The following ACSL6 variants were observed in gnomAD, a reference collection of about 807,000 sequenced individuals.
ACSL6 encodes long-chain-fatty-acid--CoA ligase 6.
ACSL6 carries 47 observed loss-of-function variants against 98.2 expected under a neutral mutation model. The ratio of observed to expected loss-of-function variants is 0.48; its 90% CI spans 0.38 to 0.61. The LOEUF (loss-of-function observed/expected upper bound fraction) is 0.61. Ranked by LOEUF, ACSL6 falls within the 20% of genes least tolerant of loss-of-function variation. ACSL6 has a pLI of 0.00. For missense variants in ACSL6, 761 were observed against 913.4 expected (o/e 0.83, Z 2.15); for synonymous variants, 362 against 336.9 (o/e 1.07, Z -0.82).
Position 131,960,628 on chromosome 5 carries a change from T to C in ACSL6, c.1858-7A>G, listed in dbSNP as rs916701367. 1.7e-5 allele frequency: 28 copies of C among 1,609,910 alleles called. No homozygotes were observed. Among genetic ancestry groups the C allele is most frequent in the Non-Finnish European group, 2.3e-5 (27 of 1,178,114 alleles). On this transcript the variant is annotated splice_region_variant and splice_polypyrimidine_tract_variant and intron_variant, in intron 18 of 20. Coordinates refer to ENST00000651883, the MANE Select transcript of ACSL6 (RefSeq NM_001009185.3). ...CAATGCCTACCAAAAAGGCCTGCAG[T>C]GCTCACCAAAGGAGAACACAGTCAT... is the stretch of plus-strand genomic sequence containing the variant.
intron 18 of ACSL6, 151 bp from the exon 19 acceptor site, chr5:131,960,772 C>A (rs1752664873): frequency 1.7e-6 from 1 of 578,952 alleles, no homozygotes; most frequent in Non-Finnish European, 3.0e-6. Context: ...ATCTTTCTGC[C>A]AATATATCAT....
At chr5:132,012,049 A>ATGGC (rs1178095179), upstream of ACSL6, 1 of 1,291,210 alleles carries the variant, frequency 7.7e-7, no homozygotes, top group African/African-American at 1.5e-5. Context: ...CCTGGGTTTT[A>ATGGC]TGGCTGGGCA....
chr5:131,988,592 A>C (rs923740567), intron 6 of ACSL6: 2 of 1,612,810 alleles, frequency 1.2e-6, no homozygotes, highest in African/African-American at 2.7e-5. Flanking sequence ...CCTTCTTGGC[A>C]GCTGAGCCCT....
At chr5:131,982,166 C>T (rs1219425498) in intron 9 of ACSL6, 8 of 77,152 alleles carry the variant, frequency 1.0e-4, no homozygotes, top group African/African-American at 3.4e-4. Context: ...TTTTTTGAGA[C>T]GGAGTCTCGC....
At chr5:131,970,279 C>A in intron 14 of ACSL6, 79 bp from the exon 15 acceptor site, 7 of 1,323,022 alleles carry the variant, frequency 5.3e-6, no homozygotes, top group Non-Finnish European at 7.6e-6. Context: ...AGACAGCTAA[C>A]CTCCCACTGA....
At chr5:131,991,909 G>A in intron 2 of ACSL6, among the ~76,000 whole-genome samples, 1 of 152,188 alleles carries the variant, frequency 6.6e-6, no homozygotes, top group East Asian at 1.9e-4. Flanking sequence ...AGTTCTGATT[G>A]GCCAGTGCTT....
intron 20 of ACSL6, among the ~76,000 whole-genome samples, chr5:131,957,792 C>T (rs1752491897): frequency 1.3e-5 from 2 of 152,208 alleles, no homozygotes; most frequent in South Asian, 4.1e-4. Context: ...TGAGAGCACA[C>T]CCTCCTCAGG....
chr5:131,951,532 C>A lies in ACSL6; in HGVS notation c.*2702G>T, dbSNP rs182729423. ...ATGATTTCCACATAGACCTGGAAAT[C>A]TAGAAATATAAGATATTTTAAGTGG... On this transcript the variant is annotated 3_prime_UTR_variant, in exon 21 of 21. Coordinates refer to ENST00000651883, the MANE Select transcript of ACSL6 (RefSeq NM_001009185.3). 4.2e-3 allele frequency: 820 copies of A among 194,542 alleles called. 5 individuals are homozygous for A. The highest frequency in any genetic ancestry group is 7.2e-3 in the Middle Eastern group (4 of 552). 12.1% of individuals were successfully genotyped at this position (194,542 alleles called of 1,614,324 possible). A position where few individuals can be genotyped will look rare whatever the true frequency, so the allele number is the denominator to read the frequency against.
Position 131,962,520 on chromosome 5 carries a change from G to C in ACSL6, c.1857+15C>G, listed in dbSNP as rs1431208146. 1 of 1,607,330 alleles carries C rather than the reference G, an allele frequency of 6.2e-7. No homozygotes were observed. Among genetic ancestry groups the C allele is most frequent in the Admixed American group, 1.7e-5 (1 of 59,642 alleles). ...GCCCAGGATATGTGGGAGGGCTGAA[G>C]CCTAGAGGCCTCACCTTTAAGCTGT... On this transcript the variant is annotated intron_variant, in intron 18 of 20. Transcript: ENST00000651883.
rs11740791 is a variant in ACSL6, at chr5:131,985,466, G to T, written c.865-8C>A. ...GTCATCAGGCTGCGGGGGCTGCAGG[G>T]GTGAGAAGAGGAGTGTGTTAGGGAG... On this transcript the variant is annotated splice_region_variant and splice_polypyrimidine_tract_variant and intron_variant, in intron 8 of 20. Transcript: ENST00000651883. 3 of 1,613,438 alleles carry T rather than the reference G, an allele frequency of 1.9e-6. No individual in the cohort carries two copies. Among genetic ancestry groups the T allele is most frequent in the Non-Finnish European group, 1.7e-6 (2 of 1,179,906 alleles).
chr5:131,990,047 G>T, intron 4 of ACSL6, 53 bp downstream of exon 4: 1 of 1,591,004 alleles, frequency 6.3e-7, no homozygotes, highest in South Asian at 1.1e-5. Flanking sequence ...TACCTGCCCT[G>T]AGTGCCAGAT....
At chr5:131,970,411 ATTT>A (rs35083562) in intron 14 of ACSL6, among the ~76,000 whole-genome samples, 4 of 139,618 alleles carry the variant, frequency 2.9e-5, no homozygotes, top group Admixed American at 7.3e-5. Context: ...AAGAAGTGCT[ATTT>A]TTTTTTTTTT....
chr5:131,988,615 T>C, intron 6 of ACSL6, 190 bp downstream of exon 6: 1 of 1,613,060 alleles, frequency 6.2e-7, no homozygotes, highest in East Asian at 2.2e-5. Context: ...GGAAGGAACC[T>C]TCGTGTGAAG....
intron 20 of ACSL6, among the ~76,000 whole-genome samples, chr5:131,958,758 C>T (rs1194175984): frequency 6.6e-6 from 1 of 151,846 alleles, no homozygotes; most frequent in East Asian, 1.9e-4. Context: ...AGCGAATATA[C>T]AAAATTTAAA....
chr5:131,993,961 G>T, intron 2 of ACSL6, 70 bp downstream of exon 2: 2 of 1,511,882 alleles, frequency 1.3e-6, no homozygotes, highest in Non-Finnish European at 1.8e-6. Flanking sequence ...CACAAGTCTG[G>T]CTTCTACTTC....
intron 1 of ACSL6, among the ~76,000 whole-genome samples, chr5:132,005,844 C>T (rs572338240): frequency 2.6e-5 from 4 of 152,196 alleles, no homozygotes; most frequent in African/African-American, 9.7e-5. Context: ...GGGTCCCAGG[C>T]ACTGGTCAAT....
intron 6 of ACSL6, 140 bp from the exon 7 acceptor site, chr5:131,988,366 A>G: frequency 7.7e-7 from 1 of 1,292,528 alleles, no homozygotes; most frequent in South Asian, 1.4e-5. Context: ...TACATAAGAC[A>G]GGCCTCGTGT....
At chr5:131,973,157 C>T in intron 12 of ACSL6, 109 bp downstream of exon 12, 1 of 1,417,106 alleles carries the variant, frequency 7.1e-7, no homozygotes, top group Non-Finnish European at 9.6e-7. Flanking sequence ...AGGCAAGTTC[C>T]AGGACTTGGC....
In ACSL6 at chr5:131,974,987, T is replaced by C; in HGVS notation, c.991-17A>G. On this transcript the variant is annotated splice_polypyrimidine_tract_variant and intron_variant, in intron 10 of 20. Transcript: ENST00000651883. The stretch of plus-strand genomic sequence containing the variant: ...GATCACTTTCTGCAGGCGACGGGCA[T>C]GGGAGACAGAAAGGAAAGAAACACT... 6.2e-7 allele frequency: 1 copy of C among 1,612,022 alleles called. No homozygotes were observed. The highest frequency in any genetic ancestry group is 8.5e-7 in the Non-Finnish European group (1 of 1,179,132).
Sources: allele counts gnomAD v4.1 joint callset (sites outside exome capture counted in the v4.1 genomes callset), GRCh38; gene constraint gnomAD v4.1.1; transcripts MANE v1.5; gene names NCBI Gene and HGNC (gene_info 2026-07-23, HGNC 2026-07-21).